Variants in EMID1 observed in about 807,000 individuals in gnomAD.
The protein encoded by EMID1 is EMI domain-containing protein 1.
EMID1 carries 40 observed loss-of-function variants against 60.6 expected under a neutral mutation model. The ratio of observed to expected loss-of-function variants is 0.66; its 90% confidence interval spans 0.51 to 0.86. The LOEUF (loss-of-function observed/expected upper bound fraction) is 0.86. EMID1 is among the 40% of genes least tolerant of loss of function. The probability of loss-of-function intolerance (pLI) is 0.00; values close to 1 mark genes in which losing one functional copy is unlikely to be tolerated. For missense variants in EMID1, 585 were observed against 597.1 expected, an observed-to-expected ratio of 0.98 and a Z score of 0.21; for synonymous variants, 242 against 231.0, an observed-to-expected ratio of 1.05 and a Z score of -0.43.
chr22:29,225,213 T>C lies in EMID1; in HGVS notation c.400T>C (p.Ser134Pro), dbSNP rs746512828. The C allele has an allele frequency of 6.2e-7, 1 of 1,613,576 alleles. No homozygotes were observed. The highest frequency in any genetic ancestry group is 1.1e-5 in the South Asian group (1 of 91,062). Reference sequence around the variant, plus strand: ...GATGGCGCTTCGGCCCACAGCCTTCTCAGGTGGGTCCTGGGATAGCTTCTT... The same window carrying C: ...GATGGCGCTTCGGCCCACAGCCTTCCCAGGTGGGTCCTGGGATAGCTTCTT... Reference protein sequence around the residue: ...RRMALRPTAFSGCLNCSKVSE... With the variant: ...RRMALRPTAFPGCLNCSKVSE... The change falls in exon 4 of 15, where the codon TCA becomes CCA. Residue 134 changes from serine (S) to proline (P), a missense_variant. By Grantham distance (74) the Ser-to-Pro change is moderately conservative. Transcript: ENST00000334018.
intron 13 of EMID1, among the ~76,000 whole-genome samples, chr22:29,246,970 T>C (rs914893723): frequency 1.3e-5 from 2 of 151,102 alleles, no homozygotes; most frequent in Admixed American, 6.6e-5. Flanking sequence ...TATTTTTGTT[T>C]ATTTTTATTT....
At chr22:29,230,777 C>G (rs753623054) in intron 5 of EMID1, among the ~76,000 whole-genome samples, 1 of 152,232 alleles carries the variant, frequency 6.6e-6, no homozygotes, top group Non-Finnish European at 1.5e-5. Context: ...CATAGCGAGA[C>G]CTCGTCTCTA....
At chr22:29,246,141 G>A (rs1158258922) in intron 13 of EMID1, among the ~76,000 whole-genome samples, 1 of 152,244 alleles carries the variant, frequency 6.6e-6, no homozygotes, top group East Asian at 1.9e-4. Flanking sequence ...CCAGGCAGAG[G>A]CGAGGGTACA....
rs562731154 is a variant in EMID1 at position 29,225,594 on chromosome 22, G to T, written c.403+378G>T. Among the ~76,000 whole-genome samples, 69 of 152,266 alleles carry T rather than the reference G, an allele frequency of 4.5e-4. No homozygotes were observed. The South Asian group carries it at 0.013, about 29-fold the overall frequency. On this transcript the variant is annotated intron_variant, in intron 4 of 14. Coordinates refer to ENST00000334018, the MANE Select transcript of EMID1 (RefSeq NM_133455.4). ...TAGACCTCACAGCTGTTCACTGCCC[G>T]CCCATTGTCCCCTTTTTAAAGAGGA...
At chr22:29,245,582 G>A (rs2041300898) in intron 13 of EMID1, among the ~76,000 whole-genome samples, 1 of 152,200 alleles carries the variant, frequency 6.6e-6, no homozygotes, top group African/African-American at 2.4e-5. Context: ...GGGGCTGGGG[G>A]AACAGCTCTG....
Position 29,205,969 on chromosome 22 carries a change from A to G in EMID1, c.-70A>G. The G allele has an allele frequency of 2.1e-6, 2 of 959,944 alleles. No homozygotes were observed. Among genetic ancestry groups the G allele is most frequent in the Non-Finnish European group, 2.6e-6 (2 of 776,204 alleles). 59.5% of individuals were successfully genotyped at this position (959,944 alleles called of 1,614,324 possible). ...GTCCGGGGCGGCTGGCGGCGCGGGC[A>G]GGCAGGCGGGGAGGACAGGCTGGGG... is the stretch of plus-strand genomic sequence containing the variant. On this transcript the variant is annotated 5_prime_UTR_variant, in exon 1 of 15. Transcript: ENST00000334018.
At chr22:29,226,323 C>T (rs2040508175) in intron 4 of EMID1, 167 bp from the exon 5 acceptor site, 1 of 648,986 alleles carries the variant, frequency 1.5e-6, no homozygotes, top group South Asian at 2.4e-5. Flanking sequence ...GTGAGGTCCC[C>T]CTGGACCCAC....
chr22:29,224,853 T>C (rs905051807), intron 3 of EMID1, among the ~76,000 whole-genome samples: 2 of 152,140 alleles, frequency 1.3e-5, no homozygotes, highest in African/African-American at 4.8e-5. Context: ...CGCTAACCTC[T>C]TAGCCCATGA....
chr22:29,225,201 C>A lies in EMID1; in HGVS notation c.388C>A (p.Pro130Thr). ...TACCATGCGGCGGATGGCGCTTCGG[C>A]CCACAGCCTTCTCAGGTGGGTCCTG... ...GSTMRRMALR[P>T]TAFSGCLNCS... Residue 130 changes from proline to threonine, a missense_variant, in exon 4 of 15, where the codon CCC becomes ACC. Pro to Thr is a conservative substitution (Grantham distance 38, BLOSUM62 -1). Coordinates refer to ENST00000334018, the MANE Select transcript of EMID1 (RefSeq NM_133455.4). 1 of 1,613,796 alleles carries A rather than the reference C, an allele frequency of 6.2e-7. No individual in the cohort carries two copies. Among genetic ancestry groups the A allele is most frequent in the Non-Finnish European group, 8.5e-7 (1 of 1,179,978 alleles).
intron 13 of EMID1, among the ~76,000 whole-genome samples, chr22:29,249,047 T>A (rs1035869482): frequency 6.6e-6 from 1 of 152,192 alleles, no homozygotes; most frequent in Admixed American, 6.5e-5. Context: ...CATTTAAAAG[T>A]AAGCTGCAAA....
chr22:29,240,394 AAG>A (rs74320717), intron 12 of EMID1, among the ~76,000 whole-genome samples: 39,997 of 151,920 alleles, frequency 0.26, 5,901 homozygotes, highest in East Asian at 0.53. Context: ...CATAATGTAA[AAG>A]AGTCTTGGAA....
At chr22:29,209,117 T>A (rs2039787109) in intron 1 of EMID1, among the ~76,000 whole-genome samples, 2 of 152,184 alleles carry the variant, frequency 1.3e-5, no homozygotes, top group African/African-American at 4.8e-5. Context: ...CCGGGCCCGC[T>A]TGGCTGCCTC....
At chr22:29,235,790 T>TC in intron 12 of EMID1, among the ~76,000 whole-genome samples, 1 of 141,004 alleles carries the variant, frequency 7.1e-6, no homozygotes, top group African/African-American at 2.7e-5. Context: ...CTTTTTTTTT[T>TC]TTTTTTTTTT....
intron 12 of EMID1, among the ~76,000 whole-genome samples, chr22:29,240,776 G>C (rs956639071): frequency 2.6e-5 from 4 of 152,230 alleles, no homozygotes; most frequent in Admixed American, 2.0e-4. Context: ...TGGGCTCCCA[G>C]AACTCGGGGC....
chr22:29,225,636 C>T lies in EMID1; in HGVS notation c.403+420C>T, dbSNP rs746159762. On this transcript the variant is annotated intron_variant, in intron 4 of 14. Coordinates refer to ENST00000334018, the MANE Select transcript of EMID1 (RefSeq NM_133455.4). ...TAAAGAGGAGGAAGCTGAAGGTCTC[C>T]GACCTCCCTGCCCTGCCCCGCCCCA... 1.3e-4 allele frequency among the ~76,000 whole-genome samples: 20 copies of T among 152,340 alleles called. 1 individual carries two copies. The highest frequency in any genetic ancestry group is 3.4e-4 in the African/African-American group (14 of 41,576).
chr22:29,258,754 G>T, intron 14 of EMID1, 63 bp from the exon 15 acceptor site: 1 of 1,592,272 alleles, frequency 6.3e-7, no homozygotes, highest in Non-Finnish European at 8.5e-7. Context: ...AGAGGGCCAA[G>T]GGGAGGTGGG....
chr22:29,232,125 C>T, intron 7 of EMID1, 131 bp from the exon 8 acceptor site: 1 of 973,474 alleles, frequency 1.0e-6, no homozygotes. Flanking sequence ...GACTACCAGG[C>T]AGCCTAGGCC....
At chr22:29,232,526 C>A (rs959167745) in intron 8 of EMID1, 124 bp downstream of exon 8, 1 of 1,106,428 alleles carries the variant, frequency 9.0e-7, no homozygotes, top group Non-Finnish European at 1.3e-6. Context: ...CACATGTGAC[C>A]CAGTCCTCCA....
At chr22:29,237,205 G>A (rs772304397) in intron 12 of EMID1, among the ~76,000 whole-genome samples, 1 of 139,722 alleles carries the variant, frequency 7.2e-6, no homozygotes, top group Non-Finnish European at 1.5e-5. Flanking sequence ...TCTTTTGAGA[G>A]AGAGTCTTGC....
Sources: gnomAD v4.1 joint callset for allele counts (sites outside exome capture counted in the v4.1 genomes callset) on GRCh38, gnomAD v4.1.1 for gene constraint, MANE v1.5 for transcripts, NCBI Gene and HGNC (gene_info 2026-07-23, HGNC 2026-07-21) for gene names.